Variants in MPV17L2 observed in about 807,000 individuals in gnomAD.
The protein encoded by MPV17L2 is MPV17 mitochondrial inner membrane protein like 2, also known as mpv17-like protein 2.
Under a neutral mutation model 24.2 loss-of-function variants are expected in MPV17L2, and 25 were observed. The ratio of observed to expected loss-of-function variants is 1.03; its 90% CI spans 0.75 to 1.44. MPV17L2 has a LOEUF of 1.44. Ranked by LOEUF, MPV17L2 falls within the 40% of genes most tolerant of loss-of-function variation. The probability of loss-of-function intolerance (pLI) is 0.00; values close to 1 mark genes in which losing one functional copy is unlikely to be tolerated. For missense variants in MPV17L2, 271 were observed against 276.2 expected (o/e 0.98, Z 0.13); for synonymous variants, 130 against 121.4 (o/e 1.07, Z -0.46).
rs1347190902 is a variant in MPV17L2 at position 18,196,825 on chromosome 19, G to C, written c.*770G>C. 1 of 276,578 alleles carries C rather than the reference G, an allele frequency of 3.6e-6. No homozygotes were observed. Among genetic ancestry groups the C allele is most frequent in the Non-Finnish European group, 7.0e-6 (1 of 142,350 alleles). 17.1% of individuals were successfully genotyped at this position (276,578 alleles called of 1,614,324 possible). ...GGATGGTCCATTCGCTTTATTGGGTGCGTGTAGTGTTGTCATGACATCTCC... is the reference window on the plus strand; with the variant it reads ...GGATGGTCCATTCGCTTTATTGGGTCCGTGTAGTGTTGTCATGACATCTCC... On this transcript the variant is annotated 3_prime_UTR_variant, in exon 5 of 5. Coordinates refer to ENST00000599612, the MANE Select transcript of MPV17L2 (RefSeq NM_032683.3).
intron 4 of MPV17L2, 93 bp downstream of exon 4, chr19:18,195,179 G>A: frequency 1.3e-6 from 2 of 1,527,706 alleles, no homozygotes; most frequent in Non-Finnish European, 1.8e-6. Context: ...CACCCTGGAG[G>A]GTGGGAGTCT....
rs1381333572 is a variant in MPV17L2, at chr19:18,195,044, G to A, written c.522G>A (p.Leu174=). ...PQFRVTYING[L]TLGWDTYLSY... ...TTCGAGTCACCTACATCAACGGCCT[G>A]ACGCTGGGCTGGGACACGTACCTGT... Residue 174 remains leucine, a synonymous_variant, in exon 4 of 5, where the codon CTG becomes CTA. Transcript: ENST00000599612. 4.3e-6 allele frequency: 7 copies of A among 1,614,176 alleles called. No homozygotes were observed. In the South Asian group the frequency reaches 7.7e-5, roughly 18 times the overall value.
chr19:18,194,703 A>G (rs1568649705), intron 2 of MPV17L2, 74 bp from the exon 3 acceptor site: 2 of 1,383,522 alleles, frequency 1.4e-6, no homozygotes, highest in African/African-American at 1.4e-5. Context: ...CGCCCCCTCC[A>G]TCGTCAGCCC....
Position 18,194,793 on chromosome 19 carries a change from G to C in MPV17L2, c.375G>C (p.Glu125Asp). 1 of 1,610,294 alleles carries C rather than the reference G, an allele frequency of 6.2e-7. No homozygotes were observed. Among genetic ancestry groups the C allele is most frequent in the Non-Finnish European group, 8.5e-7 (1 of 1,178,890 alleles). Residue 125 changes from glutamate to aspartate, a missense_variant, in exon 3 of 5, where the codon GAG (glutamate) becomes GAC (aspartate). Glu to Asp is a conservative substitution (Grantham distance 45). Transcript: ENST00000599612. ...VWYFLGLGCL[E>D]GQTVGESCQE... is the part of the protein sequence containing the mutation. Reference sequence around the variant, plus strand: ...GCTTCCCAGGCCTTGGCTGCCTGGAGGGTCAGACAGTGGGTGAGAGCTGCC... The same window carrying C: ...GCTTCCCAGGCCTTGGCTGCCTGGACGGTCAGACAGTGGGTGAGAGCTGCC...
At position 18,193,289 on chromosome 19, in the gene MPV17L2, G is replaced by A. The variant is rs780288310; in HGVS notation, c.8G>A (p.Arg3Gln). ...CCTTGGTTCCTGAGGGCGATGGCGC[G>A]GGGTGGCTGGCGCCGGCTACGCCGC... MA[R>Q]GGWRRLRRLL... Residue 3 changes from arginine (R) to glutamine (Q), a missense_variant, in exon 1 of 5, where the codon CGG (arginine) becomes CAG (glutamine). Transcript: ENST00000599612. The A allele has an allele frequency of 2.7e-5, 41 of 1,540,606 alleles. No homozygotes were observed. Among genetic ancestry groups the A allele is most frequent in the Non-Finnish European group, 3.6e-5 (41 of 1,150,992 alleles).
intron 1 of MPV17L2, 121 bp downstream of exon 1, chr19:18,193,589 G>A (rs1460908467): frequency 1.4e-6 from 2 of 1,402,376 alleles, no homozygotes; most frequent in East Asian, 2.6e-5. Flanking sequence ...CCCTGACCGC[G>A]CCTCTCCCCG....
chr19:18,193,579 C>T, intron 1 of MPV17L2, 111 bp downstream of exon 1: 1 of 1,408,280 alleles, frequency 7.1e-7, no homozygotes, highest in East Asian at 2.6e-5. Flanking sequence ...AGGACCCTTG[C>T]CCTGACCGCG....
intron 4 of MPV17L2, among the ~76,000 whole-genome samples, chr19:18,195,754 C>G (rs1470712541): frequency 1.3e-5 from 2 of 151,836 alleles, no homozygotes; most frequent in Non-Finnish European, 2.9e-5. Context: ...GGAGAATGGC[C>G]TGAACCCGGG....
intron 3 of MPV17L2, 28 bp downstream of exon 3, chr19:18,194,881 C>A: frequency 6.3e-7 from 1 of 1,595,694 alleles, no homozygotes. Flanking sequence ...TTGCACATGT[C>A]CGGCCCCGCC....
In MPV17L2 at chr19:18,193,505, C is replaced by T; in HGVS notation, c.187+37C>T. Reference sequence around the variant, plus strand: ...ACGCTGCTTAGTCCTTCACCCCGGGCGACCTTTGATCCCGACACCCGACTG... The same window carrying T: ...ACGCTGCTTAGTCCTTCACCCCGGGTGACCTTTGATCCCGACACCCGACTG... On this transcript the variant is annotated intron_variant, in intron 1 of 4. Transcript: ENST00000599612. The T allele has an allele frequency of 6.9e-7, 1 of 1,444,336 alleles. No individual in the cohort carries two copies. Among genetic ancestry groups the T allele is most frequent in the African/African-American group, 1.5e-5 (1 of 68,524 alleles). The allele number at this position is 1,444,336 out of a possible 1,614,324, so 89.5% of individuals were successfully genotyped here. A position where few individuals can be genotyped will look rare whatever the true frequency, so the allele number is the denominator to read the frequency against.
intron 4 of MPV17L2, among the ~76,000 whole-genome samples, 167 bp from the exon 5 acceptor site, chr19:18,195,832 G>C (rs1041370938): frequency 6.6e-6 from 1 of 152,222 alleles, no homozygotes; most frequent in African/African-American, 2.4e-5. Context: ...TCGAGACTCC[G>C]TCTCAAACAA....
Position 18,193,412 on chromosome 19 carries a change from G to A in MPV17L2, c.131G>A (p.Arg44His). ...CTCATGGCGGCCGGTGATGGCGTGCGCCAGTCCTGGGAGATCCGCGCCCGG... is the reference window on the plus strand; with the variant it reads ...CTCATGGCGGCCGGTGATGGCGTGCACCAGTCCTGGGAGATCCGCGCCCGG... The part of the protein sequence containing the change: ...GALMAAGDGV[R>H]QSWEIRARPG... The change falls in exon 1 of 5, where the codon CGC becomes CAC. Residue 44 changes from arginine to histidine, a missense_variant. Transcript: ENST00000599612. 1 of 1,570,594 alleles carries A rather than the reference G, an allele frequency of 6.4e-7. No individual in the cohort carries two copies. Among genetic ancestry groups the A allele is most frequent in the Admixed American group, 1.8e-5 (1 of 56,406 alleles).
At chr19:18,193,499 C>A in intron 1 of MPV17L2, 31 bp downstream of exon 1, 1 of 1,452,336 alleles carries the variant, frequency 6.9e-7, no homozygotes, top group South Asian at 1.4e-5. Context: ...AGTCCTTCAC[C>A]CCGGGCGACC....
chr19:18,193,651 G>A (rs1369336094), intron 1 of MPV17L2, 183 bp downstream of exon 1: 2 of 1,421,918 alleles, frequency 1.4e-6, no homozygotes, highest in Non-Finnish European at 1.8e-6. Context: ...AACCCCCGGA[G>A]GTCTCTGCCC....
At chr19:18,193,643 C>A in intron 1 of MPV17L2, 175 bp downstream of exon 1, 3 of 1,413,504 alleles carry the variant, frequency 2.1e-6, no homozygotes, top group Non-Finnish European at 2.8e-6. Context: ...CACCTCCCAA[C>A]CCCCGGAGGT....
At chr19:18,194,119 G>T in intron 2 of MPV17L2, 85 bp downstream of exon 2, 2 of 1,471,728 alleles carry the variant, frequency 1.4e-6, no homozygotes, top group Admixed American at 4.3e-5. Context: ...ATGCAGAGGT[G>T]CATTTCCAAT....
chr19:18,195,415 A>G (rs1165365914), intron 4 of MPV17L2, among the ~76,000 whole-genome samples: 1 of 152,016 alleles, frequency 6.6e-6, no homozygotes, highest in East Asian at 1.9e-4. Context: ...ACGCACCTGT[A>G]ATTCCAGTTA....
rs1287676970 is a variant in MPV17L2 at position 18,193,858 on chromosome 19, T to C, written c.188-6T>C. On this transcript the variant is annotated splice_polypyrimidine_tract_variant and splice_region_variant and intron_variant, in intron 1 of 4. Transcript: ENST00000599612. ...CGACCCAGCCCCCTGACTTACACTC[T>C]TATAGCGAGCATGTTTGCGGTGGGC... The C allele has an allele frequency of 6.2e-7, 1 of 1,614,066 alleles. No homozygotes were observed. Among genetic ancestry groups the C allele is most frequent in the Non-Finnish European group, 8.5e-7 (1 of 1,179,940 alleles).
At position 18,196,049 on chromosome 19, in the gene MPV17L2, A is replaced by C. The variant is rs1418044337; in HGVS notation, c.615A>C (p.Ala205=). Residue 205 remains alanine, a synonymous_variant, in exon 5 of 5, where the codon GCA becomes GCC. Coordinates refer to ENST00000599612, the MANE Select transcript of MPV17L2 (RefSeq NM_032683.3). Reference sequence around the variant, plus strand: ...GCTGTGTGGCCCTGGACACCCGAGCAGACTGAACTGTCTGCTTCCTGGACC... The same window carrying C: ...GCTGTGTGGCCCTGGACACCCGAGCCGACTGAACTGTCTGCTTCCTGGACC... The part of the protein sequence containing the change: ...PPGCVALDTR[A]D 1.2e-6 allele frequency: 2 copies of C among 1,614,010 alleles called. No individual in the cohort carries two copies. Among genetic ancestry groups the C allele is most frequent in the Admixed American group, 3.3e-5 (2 of 60,004 alleles).
Sources: allele counts gnomAD v4.1 joint callset (sites outside exome capture counted in the v4.1 genomes callset), GRCh38; gene constraint gnomAD v4.1.1; transcripts MANE v1.5; gene names NCBI Gene and HGNC (gene_info 2026-07-23, HGNC 2026-07-21).